PNPLA6: variants seen among roughly 807,000 people sequenced by gnomAD.
The protein encoded by PNPLA6 is patatin-like phospholipase domain-containing protein 6.
In PNPLA6, 105 loss-of-function variants were observed where a neutral mutation model predicts 153.7. The ratio of observed to expected loss-of-function variants is 0.68; its 90% confidence interval spans 0.58 to 0.80. The LOEUF (loss-of-function observed/expected upper bound fraction) is 0.80, where lower values mean the gene tolerates loss of function less well. Among genes scored for constraint, PNPLA6 ranks in the 30% least tolerant of loss-of-function variants. The probability of loss-of-function intolerance (pLI) is 0.00; values close to 1 mark genes in which losing one functional copy is unlikely to be tolerated. For synonymous variants in PNPLA6, 825 were observed against 822.2 expected (o/e 1.00, Z -0.06); for missense variants, 1,423 against 1,919.3 (o/e 0.74, Z 4.83).
chr19:7,555,564 C>T lies in PNPLA6; in HGVS notation c.2937-43C>T, dbSNP rs748275248. The stretch of plus-strand genomic sequence containing the variant: ...GGAGGTAGGGGCAGGGGAGTTCCTG[C>T]AGGTGGGGCCTAGCGGGTCACTGGG... On this transcript the variant is annotated intron_variant, in intron 23 of 31. Coordinates refer to ENST00000600737, the MANE Select transcript of PNPLA6 (RefSeq NM_001166114.2). This position sits in a 1 kb window ranked among gnomAD's most constrained non-coding sequence, Gnocchi z 6.3. The T allele has an allele frequency of 1.9e-6, 3 of 1,602,738 alleles. No homozygotes were observed. The highest frequency in any genetic ancestry group is 3.4e-5 in the Admixed American group (2 of 59,454).
chr19:7,560,008 C>T (rs1043079926), intron 28 of PNPLA6, among the ~76,000 whole-genome samples: 1 of 151,860 alleles, frequency 6.6e-6, no homozygotes, highest in African/African-American at 2.4e-5. Flanking sequence ...GGTGTGGTGG[C>T]ACATGCCTAT....
At chr19:7,543,703 C>T (rs1245378472) in intron 13 of PNPLA6, among the ~76,000 whole-genome samples, 1 of 152,166 alleles carries the variant, frequency 6.6e-6, no homozygotes, top group African/African-American at 2.4e-5. Flanking sequence ...ACACTCTGTC[C>T]CCAGAGTGTG....
Position 7,550,337 on chromosome 19 carries a change from G to A in PNPLA6, c.1854G>A (p.Ala618=), listed in dbSNP as rs1313582251. ...RAQPSVVLSA[A]HTVAARMSPF... ...AGCCCAGTGTGGTGCTGAGTGCGGC[G>A]CACACGGTGGCAGCCAGGATGTCGC... Residue 618 remains alanine, a synonymous_variant, in exon 15 of 32, where the codon GCG becomes GCA. Transcript: ENST00000600737. 1.2e-6 allele frequency: 2 copies of A among 1,612,542 alleles called. No homozygotes were observed. Among genetic ancestry groups the A allele is most frequent in the East Asian group, 2.2e-5 (1 of 44,894 alleles).
At chr19:7,556,102 G>A (rs2446175) in intron 24 of PNPLA6, among the ~76,000 whole-genome samples, 113,646 of 136,750 alleles carry the variant, frequency 0.83, 47,480 homozygotes, top group African/African-American at 0.92. Context: ...TTGCTCTGTC[G>A]CCCAGGCTGG....
chr19:7,542,206 T>C (rs1221843690), intron 10 of PNPLA6, 139 bp downstream of exon 10: 2 of 702,950 alleles, frequency 2.8e-6, no homozygotes, highest in Non-Finnish European at 2.5e-6. Context: ...TTTGTAGATA[T>C]TCATTGAGAT....
chr19:7,535,740 G>C lies in PNPLA6; in HGVS notation c.-49G>C. 2 of 1,519,822 alleles carry C rather than the reference G, an allele frequency of 1.3e-6. No individual in the cohort carries two copies. Among genetic ancestry groups the C allele is most frequent in the Non-Finnish European group, 1.8e-6 (2 of 1,133,754 alleles). The allele number at this position is 1,519,822 out of a possible 1,614,324, so 94.1% of individuals were successfully genotyped here. On this transcript the variant is annotated 5_prime_UTR_variant, in exon 1 of 32. Coordinates refer to ENST00000600737, the MANE Select transcript of PNPLA6 (RefSeq NM_001166114.2). The surrounding 1 kb of genome is among the most constrained non-coding windows in gnomAD (Gnocchi z 5.0). ...ATGCACTGCGGGCCGCCGGGCCTCA[G>C]GGAAGAGTCGCGCCCCCGGGGAGGG...
intron 13 of PNPLA6, 72 bp from the exon 14 acceptor site, chr19:7,549,834 TG>T: frequency 7.1e-7 from 1 of 1,411,582 alleles, no homozygotes; most frequent in South Asian, 1.2e-5. Context: ...TTTTTTCCTG[TG>T]GGGGCATGTT....
intron 28 of PNPLA6, among the ~76,000 whole-genome samples, 168 bp downstream of exon 28, chr19:7,559,319 T>C (rs1339100680): frequency 1.3e-5 from 2 of 152,134 alleles, no homozygotes; most frequent in Non-Finnish European, 2.9e-5. Flanking sequence ...GCAGGGGATG[T>C]AGTAGGGGTG....
chr19:7,553,861 T>C lies in PNPLA6; in HGVS notation c.2261-14T>C, dbSNP rs2023756064. The C allele has an allele frequency of 6.2e-7, 1 of 1,614,072 alleles. No homozygotes were observed. The highest frequency in any genetic ancestry group is 1.1e-5 in the South Asian group (1 of 91,090). ...GGTTCGCACCACAAATCTCATCCATTGGGTTCTTAGCAGGCTCTGGGTTGG... is the reference window on the plus strand; with the variant it reads ...GGTTCGCACCACAAATCTCATCCATCGGGTTCTTAGCAGGCTCTGGGTTGG... On this transcript the variant is annotated splice_polypyrimidine_tract_variant and intron_variant, in intron 18 of 31. Coordinates refer to ENST00000600737, the MANE Select transcript of PNPLA6 (RefSeq NM_001166114.2).
At chr19:7,554,110 A>T in intron 19 of PNPLA6, 95 bp downstream of exon 19, 1 of 1,583,550 alleles carries the variant, frequency 6.3e-7, no homozygotes, top group Non-Finnish European at 8.7e-7. Flanking sequence ...GGTGGAGGGG[A>T]ACAGGGCCAC....
rs369959366 is a variant in PNPLA6, at chr19:7,550,261, G to T, written c.1815-37G>T. On this transcript the variant is annotated intron_variant, in intron 14 of 31. Transcript: ENST00000600737. ...CCCAGCGCCGGTGTAGGACGGTTTT[G>T]AGGCCTTCCTCTTTCATCCCAAGTC... 4.3e-6 allele frequency: 7 copies of T among 1,612,744 alleles called. No homozygotes were observed. The African/African-American group carries it at 9.3e-5, about 22-fold the overall frequency.
intron 13 of PNPLA6, among the ~76,000 whole-genome samples, chr19:7,543,666 GGAA>G (rs1357608223): frequency 5.9e-5 from 9 of 152,136 alleles, no homozygotes; most frequent in Non-Finnish European, 1.2e-4. Flanking sequence ...AGGAGGAGGA[GGAA>G]GAAGAAGAGG....
In PNPLA6 at chr19:7,535,902, C is replaced by T; in HGVS notation, c.114C>T (p.Cys38=). The change falls in exon 1 of 32, where the codon TGC becomes TGT. Residue 38 remains cysteine (C), a synonymous_variant. Coordinates refer to ENST00000600737, the MANE Select transcript of PNPLA6 (RefSeq NM_001166114.2). The surrounding 1 kb of genome is among the most constrained non-coding windows in gnomAD (Gnocchi z 5.0). ...APGEGSAGRI[C]GAQPVPFVPQ... is the part of the protein sequence containing the mutation. Reference sequence around the variant, plus strand: ...GGGAAGGCTCGGCGGGACGGATTTGCGGTGCGCAGCCAGTGCCGTTCGTCC... The same window carrying T: ...GGGAAGGCTCGGCGGGACGGATTTGTGGTGCGCAGCCAGTGCCGTTCGTCC... The T allele has an allele frequency of 1.3e-6, 2 of 1,553,976 alleles. No individual in the cohort carries two copies. Among genetic ancestry groups the T allele is most frequent in the Non-Finnish European group, 1.7e-6 (2 of 1,155,264 alleles).
Position 7,555,732 on chromosome 19 carries a change from G to A in PNPLA6, c.3062G>A (p.Arg1021His). The A allele has an allele frequency of 6.2e-7, 1 of 1,613,744 alleles. No individual in the cohort carries two copies. The highest frequency in any genetic ancestry group is 8.5e-7 in the Non-Finnish European group (1 of 1,179,822). The change falls in exon 24 of 32, where the codon CGC becomes CAC. Residue 1021 changes from arginine (R) to histidine (H), a missense_variant. Coordinates refer to ENST00000600737, the MANE Select transcript of PNPLA6 (RefSeq NM_001166114.2). This position sits in a 1 kb window ranked among gnomAD's most constrained non-coding sequence, Gnocchi z 6.3. ...ALYAEERSAS[R>H]TKQRAREWAK... ...TACGCGGAGGAGCGCAGCGCCAGCC[G>A]CACGAAGCAGCGGGCCCGGGAGTGG...
intron 13 of PNPLA6, among the ~76,000 whole-genome samples, chr19:7,548,661 A>C (rs967870811): frequency 4.6e-5 from 7 of 151,922 alleles, no homozygotes; most frequent in African/African-American, 1.7e-4. Context: ...TTTTTTCCTG[A>C]ATATTTTAGA....
In PNPLA6 at chr19:7,536,515, A is replaced by T. The variant is rs1275829665; in HGVS notation, c.382A>T (p.Lys128Ter). ...CGCCACCTCCCGGCCACGCATGAGG[A>T]AGAAACTGAAGATGCTCAACATTGC... ...VSATSRPRMR[K>*]KLKMLNIAKK... Residue 128 changes from lysine to a stop codon, truncating the protein, a stop_gained, in exon 3 of 32, where the codon AAG (lysine) becomes TAG (stop). Transcript: ENST00000600737. LOFTEE classifies it high-confidence loss of function. 1 of 1,613,728 alleles carries T rather than the reference A, an allele frequency of 6.2e-7. No homozygotes were observed. The highest frequency in any genetic ancestry group is 8.5e-7 in the Non-Finnish European group (1 of 1,179,584).
chr19:7,537,835 TTTCACCATG>T (rs2022947271), intron 3 of PNPLA6, among the ~76,000 whole-genome samples: 2 of 151,842 alleles, frequency 1.3e-5, no homozygotes, highest in Admixed American at 6.6e-5. Flanking sequence ...AGAGACGGGG[TTTCACCATG>T]TTGGCCAGGA....
Position 7,536,439 on chromosome 19 carries a change from A to G in PNPLA6, c.316-10A>G, listed in dbSNP as rs757319895. 3.1e-6 allele frequency: 5 copies of G among 1,601,414 alleles called. No homozygotes were observed. In the South Asian group the frequency reaches 4.4e-5, roughly 14 times the overall value. On this transcript the variant is annotated splice_polypyrimidine_tract_variant and intron_variant, in intron 2 of 31. Transcript: ENST00000600737. Reference sequence around the variant, plus strand: ...TAGCAATTCACCCATCTCCGCCTTCATTCTCCCAGGTGTCACAATCCACCT... The same window carrying G: ...TAGCAATTCACCCATCTCCGCCTTCGTTCTCCCAGGTGTCACAATCCACCT...
At position 7,540,292 on chromosome 19, in the gene PNPLA6, T is replaced by C. The variant is rs111278968; in HGVS notation, c.698T>C (p.Leu233Pro). 6.2e-7 allele frequency: 1 copy of C among 1,606,360 alleles called. No individual in the cohort carries two copies. The highest frequency in any genetic ancestry group is 8.5e-7 in the Non-Finnish European group (1 of 1,178,866). Residue 233 changes from leucine to proline, a missense_variant, in exon 5 of 32, where the codon CTC becomes CCC. Leu to Pro is a moderately conservative substitution (Grantham distance 98, BLOSUM62 -3). Around this residue, in one of 10 missense-constraint regions of PNPLA6, gnomAD observed 118 missense variants for 158.8 expected, o/e 0.74. Coordinates refer to ENST00000600737, the MANE Select transcript of PNPLA6 (RefSeq NM_001166114.2). The surrounding 1 kb of genome is among the most constrained non-coding windows in gnomAD (Gnocchi z 6.8). ...GTGGTGCAGGACGGGCTGCTGGAGC[T>C]CTGTCTGCCAGGGCCTGTGAGTGGG... is the stretch of plus-strand genomic sequence containing the variant. ...IYVVQDGLLE[L>P]CLPGPDGKEC...
Sources: gnomAD v4.1 joint callset for allele counts (sites outside exome capture counted in the v4.1 genomes callset) on GRCh38, gnomAD v4.1.1 for gene constraint, gnomAD v4.1.1 regional missense constraint, Gnocchi (gnomAD v3.1) non-coding constraint, MANE v1.5 for transcripts, NCBI Gene and HGNC (gene_info 2026-07-23, HGNC 2026-07-21) for gene names.